The following SNW1 variants were observed in gnomAD, a reference collection of about 807,000 sequenced individuals.
The protein encoded by SNW1 is SNW domain containing 1.
SNW1 carries 9 observed loss-of-function variants against 75.6 expected under a neutral mutation model. That is an observed-to-expected ratio of 0.12 (90% CI 0.07 to 0.21). The LOEUF (loss-of-function observed/expected upper bound fraction) is 0.21, where lower values mean the gene tolerates loss of function less well. Ranked by LOEUF, SNW1 falls within the 10% of genes least tolerant of loss-of-function variation. The pLI is 1.00. For synonymous variants in SNW1, 200 were observed against 219.1 expected, an observed-to-expected ratio of 0.91 and a Z score of 0.77; for missense variants, 409 against 670.9, an observed-to-expected ratio of 0.61 and a Z score of 4.31.
At chr14:77,730,419 G>C (rs968093930) in intron 10 of SNW1, among the ~76,000 whole-genome samples, 1 of 151,738 alleles carries the variant, frequency 6.6e-6, no homozygotes, top group Non-Finnish European at 1.5e-5. Context: ...ATAAATGAAA[G>C]AATGAATAAA....
chr14:77,760,954 C>T, intron 1 of SNW1, 160 bp downstream of exon 1: 2 of 1,543,162 alleles, frequency 1.3e-6, no homozygotes, highest in Non-Finnish European at 1.8e-6. Flanking sequence ...TCGACTAGGC[C>T]TAGTCGTAGC....
intron 3 of SNW1, among the ~76,000 whole-genome samples, chr14:77,741,963 T>G (rs1555387951): frequency 6.6e-6 from 1 of 152,142 alleles, no homozygotes; most frequent in Non-Finnish European, 1.5e-5. Context: ...AAGATTCTAG[T>G]ATCTCACAAG....
intron 1 of SNW1, chr14:77,760,651 A>G (rs765408066): frequency 4.8e-5 from 34 of 702,198 alleles, no homozygotes; most frequent in Non-Finnish European, 8.6e-5. Flanking sequence ...CTCTTTTTTC[A>G]GGAATCCTTG....
chr14:77,726,230 G>A (rs2080583659), intron 10 of SNW1, among the ~76,000 whole-genome samples: 1 of 152,180 alleles, frequency 6.6e-6, no homozygotes, highest in Non-Finnish European at 1.5e-5. Context: ...TGGGTAGTAT[G>A]AACATTTTAA....
chr14:77,737,481 GAAT>G (rs2080682413), intron 5 of SNW1, among the ~76,000 whole-genome samples: 1 of 152,006 alleles, frequency 6.6e-6, no homozygotes, highest in African/African-American at 2.4e-5. Flanking sequence ...ACAGAGAAAA[GAAT>G]AATGACAGCA....
chr14:77,735,011 A>G lies in SNW1; in HGVS notation c.710T>C (p.Met237Thr). Residue 237 changes from methionine to threonine, a missense_variant and splice_region_variant, in exon 8 of 14, where the codon ATG becomes ACG. By Grantham distance (81) the Met-to-Thr change is moderately conservative. Around this residue, in one of 9 missense-constraint regions of SNW1, gnomAD observed 70 missense variants for 136.7 expected, o/e 0.51. Coordinates refer to ENST00000261531, the MANE Select transcript of SNW1 (RefSeq NM_012245.3). Reference sequence around the variant, plus strand: ...CCACTCTTGTTGTTCCTTTACAGTCATCTGAGAGAAGAGGGAAAGAAGAGA... The same window carrying G: ...CCACTCTTGTTGTTCCTTTACAGTCGTCTGAGAGAAGAGGGAAAGAAGAGA... Reference protein sequence around the residue: ...APVMHSPSRKMTVKEQQEWKI... With the variant: ...APVMHSPSRKTTVKEQQEWKI... 6.2e-7 allele frequency: 1 copy of G among 1,603,406 alleles called. No individual in the cohort carries two copies. The highest frequency in any genetic ancestry group is 8.5e-7 in the Non-Finnish European group (1 of 1,171,766).
intron 9 of SNW1, among the ~76,000 whole-genome samples, chr14:77,731,681 A>AT (rs1369887760): frequency 6.6e-6 from 1 of 152,232 alleles, no homozygotes; most frequent in Non-Finnish European, 1.5e-5. Context: ...TATGTTCCAA[A>AT]CACATGCTAT....
intron 3 of SNW1, 24 bp from the exon 4 acceptor site, chr14:77,739,085 G>C (rs962700158): frequency 1.3e-6 from 2 of 1,568,974 alleles, no homozygotes; most frequent in Admixed American, 1.7e-5. Context: ...ACACAAGCAG[G>C]CTTAAGAAAA....
intron 8 of SNW1, among the ~76,000 whole-genome samples, 168 bp downstream of exon 8, chr14:77,734,779 T>C (rs1401843387): frequency 6.6e-6 from 1 of 151,874 alleles, no homozygotes; most frequent in African/African-American, 2.4e-5. Flanking sequence ...GTGCCTGGCA[T>C]ACTAACATTT....
chr14:77,742,975 C>T (rs1221235244), intron 3 of SNW1, among the ~76,000 whole-genome samples: 2 of 151,942 alleles, frequency 1.3e-5, no homozygotes, highest in African/African-American at 4.8e-5. Flanking sequence ...CCTGTAATCC[C>T]AGCACTTTAG....
chr14:77,737,746 A>G (rs931217670), intron 5 of SNW1, among the ~76,000 whole-genome samples: 29 of 151,888 alleles, frequency 1.9e-4, no homozygotes, highest in African/African-American at 7.0e-4. Context: ...ATCCCAGCAC[A>G]TTGGGAGGCC....
chr14:77,751,845 C>CACACACCA lies in SNW1; in HGVS notation c.169-366_169-365insTGGTGTGT, dbSNP rs1555388654. ...ACACACACACACACACACACACACACCACACACACACACACACAAAGCATT... is the reference window on the plus strand; with the variant it reads ...ACACACACACACACACACACACACACACACACCACACACACACACACACACAAAGCATT... On this transcript the variant is annotated intron_variant, in intron 2 of 13. Transcript: ENST00000261531. 7.8e-3 allele frequency among the ~76,000 whole-genome samples: 957 copies of CACACACCA among 122,496 alleles called. 11 individuals are homozygous for CACACACCA. Among genetic ancestry groups the CACACACCA allele is most frequent in the African/African-American group, 0.032 (851 of 26,566 alleles). 80.4% of individuals were successfully genotyped at this position (122,496 alleles called of 152,430 possible).
chr14:77,747,204 C>T (rs2139923914), intron 3 of SNW1, among the ~76,000 whole-genome samples: 1 of 152,342 alleles, frequency 6.6e-6, no homozygotes, highest in Non-Finnish European at 1.5e-5. Flanking sequence ...CAGACGGAGT[C>T]TCACTCACTC....
chr14:77,729,323 G>A (rs2080610314), intron 10 of SNW1, among the ~76,000 whole-genome samples: 1 of 152,142 alleles, frequency 6.6e-6, no homozygotes. Flanking sequence ...AAGTTCTGGA[G>A]TCATCCTTAA....
rs1381445210 is a variant in SNW1 at position 77,720,800 on chromosome 14, C to G, written c.1159G>C (p.Asp387His). Residue 387 changes from aspartate (D) to histidine (H), a missense_variant, in exon 12 of 14, where the codon GAT becomes CAT. Physicochemically the swap from Asp to His is moderately conservative, Grantham distance 81 (BLOSUM62 -1). Coordinates refer to ENST00000261531, the MANE Select transcript of SNW1 (RefSeq NM_012245.3). The part of the protein sequence containing the change: ...RSKLQRNENR[D>H]ISEVIALGVP... ...CCGAGAGCAATAACTTCACTGATAT[C>G]CCGATTTTCATTTCTCTGAAGTTTC... 6 of 1,613,506 alleles carry G rather than the reference C, an allele frequency of 3.7e-6. No homozygotes were observed. The highest frequency in any genetic ancestry group is 5.1e-6 in the Non-Finnish European group (6 of 1,179,720).
intron 10 of SNW1, among the ~76,000 whole-genome samples, chr14:77,729,056 C>A (rs2080608410): frequency 1.3e-5 from 2 of 152,098 alleles, no homozygotes; most frequent in Admixed American, 1.3e-4. Flanking sequence ...CTTATTAAGT[C>A]ATTCATATAT....
intron 2 of SNW1, 54 bp downstream of exon 2, chr14:77,754,912 GC>G (rs2080832642): frequency 2.1e-6 from 3 of 1,407,820 alleles, no homozygotes; most frequent in Non-Finnish European, 2.9e-6. Context: ...GTTATAGTGT[GC>G]TATAATAAAT....
At chr14:77,753,115 T>G (rs1323190120) in intron 2 of SNW1, among the ~76,000 whole-genome samples, 1 of 152,188 alleles carries the variant, frequency 6.6e-6, no homozygotes, top group African/African-American at 2.4e-5. Context: ...CACAGAACAT[T>G]CACTCCCCTC....
chr14:77,739,591 TTCTTCCATGAG>T (rs1566831665), intron 3 of SNW1, among the ~76,000 whole-genome samples: 1 of 151,916 alleles, frequency 6.6e-6, no homozygotes, highest in East Asian at 1.9e-4. Context: ...CCAGAATGCT[TTCTTCCATGAG>T]AAGACAAAAG....
Sources: allele counts gnomAD v4.1 joint callset (sites outside exome capture counted in the v4.1 genomes callset), GRCh38; gene constraint gnomAD v4.1.1; regional missense constraint gnomAD v4.1.1; transcripts MANE v1.5; gene names NCBI Gene and HGNC (gene_info 2026-07-23, HGNC 2026-07-21).